SLC9C1: variants seen among roughly 807,000 people sequenced by gnomAD.
SLC9C1 encodes the protein sodium/hydrogen exchanger 10.
Under a neutral mutation model 140.9 loss-of-function variants are expected in SLC9C1, and 97 were observed. The observed-to-expected ratio is 0.69, with a 90% CI of 0.58 to 0.82. The LOEUF is 0.82. SLC9C1 is among the 40% of genes least tolerant of loss of function. SLC9C1 has a pLI of 0.00. For synonymous variants in SLC9C1, 440 were observed against 442.6 expected, an observed-to-expected ratio of 0.99 and a Z score of 0.07; for missense variants, 1,340 against 1,389.3, an observed-to-expected ratio of 0.96 and a Z score of 0.56.
intron 23 of SLC9C1, among the ~76,000 whole-genome samples, chr3:112,177,003 CTCT>C (rs2077350539): frequency 8.9e-6 from 1 of 112,934 alleles, no homozygotes; most frequent in East Asian, 2.7e-4. Context: ...CTCTCTCTCT[CTCT>C]TTTTTTTTTT....
Position 112,198,736 on chromosome 3 carries a change from T to C in SLC9C1, c.2523+585A>G, listed in dbSNP as rs115072992. 3.1e-3 allele frequency among the ~76,000 whole-genome samples: 478 copies of C among 152,082 alleles called. 2 individuals carry two copies. The highest frequency in any genetic ancestry group is 5.5e-3 in the Non-Finnish European group (374 of 67,928). On this transcript the variant is annotated intron_variant, in intron 20 of 28. Transcript: ENST00000305815. The stretch of plus-strand genomic sequence containing the variant: ...CTACCGAGACAAAGTATATTACACG[T>C]TTAATATGCTACCCAATTCAGTTCA...
chr3:112,171,135 A>G (rs1044052838), intron 23 of SLC9C1, among the ~76,000 whole-genome samples: 1 of 152,120 alleles, frequency 6.6e-6, no homozygotes, highest in Non-Finnish European at 1.5e-5. Flanking sequence ...AATCACTTGA[A>G]TCCGGGAGGC....
chr3:112,199,542 A>C, intron 19 of SLC9C1, 73 bp from the exon 20 acceptor site: 1 of 1,286,114 alleles, frequency 7.8e-7, no homozygotes, highest in Non-Finnish European at 1.0e-6. Flanking sequence ...CAATAAGCTA[A>C]GTTTCTGTTC....
At chr3:112,223,960 T>C (rs1231111208) in intron 13 of SLC9C1, among the ~76,000 whole-genome samples, 1 of 152,204 alleles carries the variant, frequency 6.6e-6, no homozygotes, top group Non-Finnish European at 1.5e-5. Context: ...GCTGAGCTGC[T>C]GGCTAACCAG....
intron 26 of SLC9C1, among the ~76,000 whole-genome samples, chr3:112,163,244 TG>T (rs1576238970): frequency 1.4e-5 from 2 of 147,700 alleles, no homozygotes; most frequent in African/African-American, 4.9e-5. Context: ...ATTAATTTTT[TG>T]AAGGGTTTTT....
chr3:112,292,620 T>C (rs1243935891), intron 1 of SLC9C1, among the ~76,000 whole-genome samples: 1 of 152,136 alleles, frequency 6.6e-6, no homozygotes, highest in African/African-American at 2.4e-5. Flanking sequence ...CTCGGCTCAC[T>C]GCAAGCTCTG....
At chr3:112,233,050 C>CACATATAT (rs1326383624) in intron 12 of SLC9C1, among the ~76,000 whole-genome samples, 17 of 86,626 alleles carry the variant, frequency 2.0e-4, no homozygotes, top group African/African-American at 6.3e-4. Flanking sequence ...CACACACACA[C>CACATATAT]ATATATATAT....
At chr3:112,151,323 T>A in intron 28 of SLC9C1, 1 of 518,780 alleles carries the variant, frequency 1.9e-6, no homozygotes, top group Non-Finnish European at 3.8e-6. Flanking sequence ...AGGTCTTGCT[T>A]TCTTTTATCC....
intron 23 of SLC9C1, among the ~76,000 whole-genome samples, chr3:112,172,264 G>A (rs571828965): frequency 6.6e-6 from 1 of 151,792 alleles, no homozygotes; most frequent in African/African-American, 2.4e-5. Flanking sequence ...ATATTCTATG[G>A]TTTTCATTGT....
chr3:112,253,065 G>A (rs533288480), intron 10 of SLC9C1, among the ~76,000 whole-genome samples: 2 of 152,214 alleles, frequency 1.3e-5, no homozygotes, highest in South Asian at 2.1e-4. Context: ...GCATCCTTAC[G>A]AAAAAGTAAC....
intron 23 of SLC9C1, among the ~76,000 whole-genome samples, chr3:112,178,129 C>G (rs2077373616): frequency 6.6e-6 from 1 of 151,124 alleles, no homozygotes; most frequent in Non-Finnish European, 1.5e-5. Flanking sequence ...TCCCCTCTAC[C>G]ACTACATATT....
Position 112,280,690 on chromosome 3 carries a change from G to A in SLC9C1, c.182C>T (p.Ser61Phe). ...CTCATTTACAATACACACCTGTGAA[G>A]ATGTAAAGCTTAATACTTCAAAACT... ...GCSFEVLSFT[S>F]SQVQRYANAI... Residue 61 changes from serine to phenylalanine, a missense_variant, in exon 3 of 29, where the codon TCT becomes TTT. Transcript: ENST00000305815. 6.2e-7 allele frequency: 1 copy of A among 1,603,726 alleles called. No individual in the cohort carries two copies. Among genetic ancestry groups the A allele is most frequent in the Non-Finnish European group, 8.5e-7 (1 of 1,175,808 alleles).
chr3:112,147,555 G>T, intron 28 of SLC9C1: 1 of 381,238 alleles, frequency 2.6e-6, no homozygotes. Context: ...AGTTTGGCAG[G>T]ATATGAAATT....
At chr3:112,235,435 C>T (rs2078957296) in intron 12 of SLC9C1, among the ~76,000 whole-genome samples, 1 of 151,360 alleles carries the variant, frequency 6.6e-6, no homozygotes. Flanking sequence ...GACAATTTGA[C>T]TTCCTCTTTT....
chr3:112,159,751 C>T (rs928398283), intron 26 of SLC9C1, among the ~76,000 whole-genome samples: 14 of 152,034 alleles, frequency 9.2e-5, no homozygotes, highest in African/African-American at 3.1e-4. Flanking sequence ...ATGTTTAGCG[C>T]ATACGTATAT....
intron 12 of SLC9C1, among the ~76,000 whole-genome samples, chr3:112,234,943 T>C (rs2078943868): frequency 6.6e-6 from 1 of 151,992 alleles, no homozygotes; most frequent in Non-Finnish European, 1.5e-5. Context: ...TGGCTTATGT[T>C]TGACTTAGCA....
Position 112,168,910 on chromosome 3 carries a change from T to C in SLC9C1, c.3204A>G (p.Arg1068=). The change falls in exon 25 of 29, where the codon AGA becomes AGG. Residue 1068 remains arginine, a synonymous_variant. Transcript: ENST00000305815. The part of the protein sequence containing the change: ...VEDCLLRKTY[R]APFLIPITCH... ...ATGTTATAGGAATTAAGAAAGGTGC[T>C]CTATAAGTTTTTCGTAACAGACAAT... The C allele has an allele frequency of 6.2e-7, 1 of 1,600,736 alleles. No homozygotes were observed. Among genetic ancestry groups the C allele is most frequent in the Non-Finnish European group, 8.5e-7 (1 of 1,176,120 alleles).
chr3:112,179,565 A>C lies in SLC9C1; in HGVS notation c.2885T>G (p.Met962Arg), dbSNP rs751852581. The C allele has an allele frequency of 1.2e-6, 2 of 1,609,654 alleles. No homozygotes were observed. Among genetic ancestry groups the C allele is most frequent in the South Asian group, 2.2e-5 (2 of 89,312 alleles). The change falls in exon 23 of 29, where the codon ATG becomes AGG. Residue 962 changes from methionine (M) to arginine (R), a missense_variant. Physicochemically the swap from Met to Arg is moderately conservative, Grantham distance 91. Transcript: ENST00000305815. ...GEINCLTNEP[M>R]KYSATCKTVV... Reference sequence around the variant, plus strand: ...AGTTTTGCAGGTGGCAGAATATTTCATAGGTTCATTAGTTAAGCAGTTTAT... The same window carrying C: ...AGTTTTGCAGGTGGCAGAATATTTCCTAGGTTCATTAGTTAAGCAGTTTAT...
chr3:112,156,679 GC>G lies in SLC9C1; in HGVS notation c.3365-1631del, dbSNP rs377376925. Among the ~76,000 whole-genome samples the G allele has an allele frequency of 1.0e-3, 153 of 151,666 alleles. 3 individuals carry two copies. In the East Asian group the frequency reaches 0.013, roughly 13 times the overall value. ...GGTGTTCCCCTTTCTTGGTGTATTT[GC>G]CAGTATTTTAAATTTTTTGTCTTTT... On this transcript the variant is annotated intron_variant, in intron 26 of 28. Coordinates refer to ENST00000305815, the MANE Select transcript of SLC9C1 (RefSeq NM_183061.3).
Sources: gnomAD v4.1 joint callset for allele counts (sites outside exome capture counted in the v4.1 genomes callset) on GRCh38, gnomAD v4.1.1 for gene constraint, MANE v1.5 for transcripts, NCBI Gene and HGNC (gene_info 2026-07-23, HGNC 2026-07-21) for gene names.